Variants in TNK2 observed in about 807,000 individuals in gnomAD.
The protein encoded by TNK2 is tyrosine kinase non receptor 2.
TNK2 carries 83 observed loss-of-function variants against 101.8 expected under a neutral mutation model. That is an observed-to-expected ratio of 0.82 (90% CI 0.68 to 0.98). The LOEUF (loss-of-function observed/expected upper bound fraction) is 0.98, where lower values mean the gene tolerates loss of function less well. Ranked by LOEUF, TNK2 falls within the 50% of genes least tolerant of loss-of-function variation. The pLI is 0.00. For missense variants in TNK2, 1,665 were observed against 1,483.2 expected, an observed-to-expected ratio of 1.12 and a Z score of -2.01; for synonymous variants, 804 against 633.0, an observed-to-expected ratio of 1.27 and a Z score of -4.06.
chr3:195,888,678 C>T lies in TNK2; in HGVS notation c.-18-72G>A. 7.0e-7 allele frequency: 1 copy of T among 1,428,564 alleles called. No homozygotes were observed. Among genetic ancestry groups the T allele is most frequent in the Non-Finnish European group, 9.4e-7 (1 of 1,064,040 alleles). The allele number at this position is 1,428,564 out of a possible 1,614,324, so 88.5% of individuals were successfully genotyped here. On this transcript the variant is annotated intron_variant, in intron 1 of 15. Transcript: ENST00000672887. The surrounding 1 kb of genome is among the most constrained non-coding windows in gnomAD (Gnocchi z 5.3). ...CAGGGGCCTGCCCGAGTGACCTGGG[C>T]TCACCTTCATCCCACTACACGGCCA...
chr3:195,881,416 A>G (rs1344092353), intron 6 of TNK2, among the ~76,000 whole-genome samples: 104 of 40,052 alleles, frequency 2.6e-3, no homozygotes, highest in Admixed American at 4.3e-3. Context: ...AGGACACAGC[A>G]TCTATCCCTG....
Position 195,868,629 on chromosome 3 carries a change from G to T in TNK2, c.1669C>A (p.Leu557Met), listed in dbSNP as rs1365688755. The T allele has an allele frequency of 6.3e-7, 1 of 1,593,300 alleles. No homozygotes were observed. The highest frequency in any genetic ancestry group is 1.3e-5 in the African/African-American group (1 of 74,604). Reference sequence around the variant, plus strand: ...TTCGCCAGCCACAGCCCTCGGGGCAGGCCTGGCTTCCGCAGGCCCAGCCTC... The same window carrying T: ...TTCGCCAGCCACAGCCCTCGGGGCATGCCTGGCTTCCGCAGGCCCAGCCTC... ...FKRLGLRKPG[L>M]PRGLWLAKPS... is the part of the protein sequence containing the mutation. The change falls in exon 13 of 16, where the codon CTG becomes ATG. Residue 557 changes from leucine to methionine, a missense_variant. Transcript: ENST00000672887.
Position 195,869,368 on chromosome 3 carries a change from G to A in TNK2, c.1588+129C>T, listed in dbSNP as rs554805901. The A allele has an allele frequency of 6.1e-5, 61 of 1,005,612 alleles. 1 individual carries two copies. Among genetic ancestry groups the A allele is most frequent in the South Asian group, 2.7e-4 (19 of 69,990 alleles). The allele number at this position is 1,005,612 out of a possible 1,614,324, so 62.3% of individuals were successfully genotyped here. A position where few individuals can be genotyped will look rare whatever the true frequency, so the allele number is the denominator to read the frequency against. On this transcript the variant is annotated intron_variant, in intron 12 of 15. Transcript: ENST00000672887. The stretch of plus-strand genomic sequence containing the variant: ...AGGCATGCTAGGCCAGGGCAGCCGC[G>A]GAAGCTCACAGCACACACCCACCCA...
chr3:195,866,208 AT>A lies in TNK2; in HGVS notation c.3161+680del, dbSNP rs903861445. On this transcript the variant is annotated intron_variant, in intron 15 of 15. Transcript: ENST00000672887. ...ACAATATATTTTCTTTTTAGAGAAAATTTTTTTTTTTGGAGACAGTCTCCCT... is the reference window on the plus strand; with the variant it reads ...ACAATATATTTTCTTTTTAGAGAAAATTTTTTTTTTGGAGACAGTCTCCCT... Among the ~76,000 whole-genome samples the A allele has an allele frequency of 1.7e-3, 260 of 149,088 alleles. 1 individual carries two copies. The highest frequency in any genetic ancestry group is 5.2e-3 in the African/African-American group (212 of 40,860).
intron 9 of TNK2, 175 bp from the exon 10 acceptor site, chr3:195,872,645 T>C (rs1235111560): frequency 3.1e-6 from 2 of 642,748 alleles, no homozygotes; most frequent in East Asian, 5.7e-5. Context: ...CCATGCCCCG[T>C]ACAGGCCTGT....
intron 11 of TNK2, 77 bp downstream of exon 11, chr3:195,870,037 A>C (rs1743913850): frequency 8.9e-7 from 1 of 1,124,076 alleles, no homozygotes; most frequent in Admixed American, 3.0e-5. Flanking sequence ...CAGCAGCCTT[A>C]GGGTGGCCTG....
In TNK2 at chr3:195,881,695, CG is replaced by C. The variant is rs1403582126; in HGVS notation, c.887+355del. Reference sequence around the variant, plus strand: ...AGCATTTATCCCTATAACACCCCCCCGCCAGCAATGCCCCTTGGAGAGGACA... The same window carrying C: ...AGCATTTATCCCTATAACACCCCCCCCCAGCAATGCCCCTTGGAGAGGACA... On this transcript the variant is annotated intron_variant, in intron 6 of 15. Transcript: ENST00000672887. Among the ~76,000 whole-genome samples the C allele has an allele frequency of 5.5e-5, 7 of 126,456 alleles. 1 individual carries two copies. The South Asian group carries it at 1.7e-3, about 31-fold the overall frequency. 83.0% of individuals were successfully genotyped at this position (126,456 alleles called of 152,430 possible). A position where few individuals can be genotyped will look rare whatever the true frequency, so the allele number is the denominator to read the frequency against.
In TNK2 at chr3:195,878,247, C is replaced by T. The variant is rs758069923; in HGVS notation, c.1256+6G>A. ...CCAGGGCGGGGCCCAGCCCTGCACT[C>T]CCTACCTTCCCTCGATGACGGTGAT... On this transcript the variant is annotated splice_donor_region_variant and intron_variant, in intron 9 of 15. Transcript: ENST00000672887. The surrounding 1 kb of genome is among the most constrained non-coding windows in gnomAD (Gnocchi z 4.7). The T allele has an allele frequency of 6.2e-7, 1 of 1,613,858 alleles. No individual in the cohort carries two copies. Among genetic ancestry groups the T allele is most frequent in the Admixed American group, 1.7e-5 (1 of 60,014 alleles).
intron 1 of TNK2, among the ~76,000 whole-genome samples, chr3:195,901,264 G>A (rs764658638): frequency 1.4e-4 from 22 of 152,214 alleles, no homozygotes; most frequent in Non-Finnish European, 2.9e-4. Context: ...CGGGAATGGA[G>A]GCTCATGGAG....
intron 1 of TNK2, among the ~76,000 whole-genome samples, chr3:195,904,128 C>T (rs951452933): frequency 3.3e-5 from 5 of 151,844 alleles, no homozygotes; most frequent in Non-Finnish European, 5.9e-5. Context: ...CATGGTGGTA[C>T]ACACCTGTAG....
At chr3:195,874,795 G>A (rs60500503) in intron 9 of TNK2, among the ~76,000 whole-genome samples, 2 of 4,048 alleles carry the variant, frequency 4.9e-4, no homozygotes, top group Non-Finnish European at 7.4e-4. Context: ...CCGAGGCACA[G>A]GAAGCTCCCC....
Position 195,869,338 on chromosome 3 carries a change from G to A in TNK2, c.1588+159C>T, listed in dbSNP as rs191213366. The A allele has an allele frequency of 2.5e-3, 1,916 of 764,020 alleles. 28 individuals carry two copies. The African/African-American group carries it at 0.028, about 11-fold the overall frequency. The allele number at this position is 764,020 out of a possible 1,614,324, so 47.3% of individuals were successfully genotyped here. ...AGGCTCCGGGGGGCGGGCTCGAGGG[G>A]GGGCAGGCATGCTAGGCCAGGGCAG... On this transcript the variant is annotated intron_variant, in intron 12 of 15. Coordinates refer to ENST00000672887, the MANE Select transcript of TNK2 (RefSeq NM_001382273.1).
rs530767067 is a variant in TNK2, at chr3:195,892,472, C to A, written c.-18-3866G>T. On this transcript the variant is annotated intron_variant, in intron 1 of 15. Transcript: ENST00000672887. ...GAAGGAGAGCTCCAGGCCAGGGAAC[C>A]GACGTGCTGCCGGCATCTCCACGCA... The A allele has an allele frequency of 1.6e-5, 25 of 1,535,618 alleles. No individual in the cohort carries two copies. In the East Asian group the frequency reaches 5.1e-4, roughly 32 times the overall value.
At chr3:195,895,151 G>C (rs756087449) in intron 1 of TNK2, 1 of 1,254,450 alleles carries the variant, frequency 8.0e-7, no homozygotes, top group Non-Finnish European at 1.1e-6. Flanking sequence ...TCTCACTCCT[G>C]AGGCCGCCGC....
In TNK2 at chr3:195,878,336, T is replaced by G. The variant is rs1302435242; in HGVS notation, c.1173A>C (p.Thr391=). ...CAAAGTCCTGAAGGGCCCGCATGTC[T>G]GTGGGCTGGGCCTGGAGGAAGAGGA... is the stretch of plus-strand genomic sequence containing the variant. ...LRDFLLEAQP[T]DMRALQDFEE... is the part of the protein sequence containing the mutation. The change falls in exon 9 of 16, where the codon ACA becomes ACC. Residue 391 remains threonine, a synonymous_variant. Coordinates refer to ENST00000672887, the MANE Select transcript of TNK2 (RefSeq NM_001382273.1). The surrounding 1 kb of genome is among the most constrained non-coding windows in gnomAD (Gnocchi z 4.7). 7 of 1,614,128 alleles carry G rather than the reference T, an allele frequency of 4.3e-6. No individual in the cohort carries two copies. The highest frequency in any genetic ancestry group is 5.9e-6 in the Non-Finnish European group (7 of 1,180,032).
intron 1 of TNK2, chr3:195,894,311 C>G (rs1759738623): frequency 6.6e-6 from 1 of 152,296 alleles, no homozygotes; most frequent in Non-Finnish European, 1.5e-5. Context: ...AACCCCATGC[C>G]TGACCTTGGA....
chr3:195,902,852 C>T (rs1381574796), intron 1 of TNK2, among the ~76,000 whole-genome samples: 2 of 151,724 alleles, frequency 1.3e-5, no homozygotes, highest in African/African-American at 2.4e-5. Flanking sequence ...TGGGTTCAAG[C>T]GATTCTTGTG....
At chr3:195,869,727 C>G in intron 11 of TNK2, 186 bp from the exon 12 acceptor site, 1 of 651,878 alleles carries the variant, frequency 1.5e-6, no homozygotes, top group Non-Finnish European at 2.7e-6. Flanking sequence ...ACACGGCGGT[C>G]CAGTATGATA....
In TNK2 at chr3:195,890,233, C is replaced by G. The variant is rs559648682; in HGVS notation, c.-18-1627G>C. ...TGGTTCTCATGAGGCTGCACAGCCCCCTATGGGACAGTTCTGGTTGCCACA... is the reference window on the plus strand; with the variant it reads ...TGGTTCTCATGAGGCTGCACAGCCCGCTATGGGACAGTTCTGGTTGCCACA... On this transcript the variant is annotated intron_variant, in intron 1 of 15. Transcript: ENST00000672887. 3.9e-5 allele frequency among the ~76,000 whole-genome samples: 6 copies of G among 152,288 alleles called. No homozygotes were observed. The East Asian group carries it at 5.8e-4, about 15-fold the overall frequency.
Sources: allele counts gnomAD v4.1 joint callset (sites outside exome capture counted in the v4.1 genomes callset), GRCh38; gene constraint gnomAD v4.1.1; non-coding constraint Gnocchi (gnomAD v3.1); transcripts MANE v1.5; gene names NCBI Gene and HGNC (gene_info 2026-07-23, HGNC 2026-07-21).